TXNRD2: variants seen among roughly 807,000 people sequenced by gnomAD.
TXNRD2 encodes thioredoxin reductase 2.
In TXNRD2, 67 loss-of-function variants were observed where a neutral mutation model predicts 70.8. The ratio of observed to expected loss-of-function variants is 0.95; its 90% CI spans 0.78 to 1.16. TXNRD2 has a LOEUF of 1.16. Ranked by LOEUF, TXNRD2 falls within the 50% of genes most tolerant of loss-of-function variation. The pLI, the probability that TXNRD2 is intolerant of heterozygous loss-of-function variation, is 0.00. For missense variants in TXNRD2, 644 were observed against 719.9 expected (o/e 0.89, Z 1.21); for synonymous variants, 301 against 295.8 (o/e 1.02, Z -0.18).
chr22:19,889,286 G>C (rs550326258), intron 11 of TXNRD2, among the ~76,000 whole-genome samples: 14 of 152,214 alleles, frequency 9.2e-5, no homozygotes, highest in South Asian at 4.1e-4. Context: ...AGGAAGGAGC[G>C]TGCTCTGTGG....
At chr22:19,935,021 G>A (rs894941719) in intron 1 of TXNRD2, among the ~76,000 whole-genome samples, 2 of 152,100 alleles carry the variant, frequency 1.3e-5, no homozygotes, top group Admixed American at 1.3e-4. Context: ...TGAAATCAGC[G>A]CACCTTGAAA....
chr22:19,880,152 C>T (rs1938697603), intron 14 of TXNRD2, 27 bp downstream of exon 14: 1 of 1,610,760 alleles, frequency 6.2e-7, no homozygotes, highest in Non-Finnish European at 8.5e-7. Context: ...CGCCACTGTC[C>T]TCAGCTGTGC....
intron 2 of TXNRD2, among the ~76,000 whole-genome samples, chr22:19,926,120 G>A (rs1014861780): frequency 1.4e-5 from 2 of 146,946 alleles, no homozygotes; most frequent in African/African-American, 5.1e-5. Context: ...CCGAGATTGT[G>A]CCATGGTACT....
At chr22:19,884,373 G>C (rs1938928865) in intron 11 of TXNRD2, 1 of 152,256 alleles carries the variant, frequency 6.6e-6, no homozygotes, top group African/African-American at 2.4e-5. Flanking sequence ...CCAATGCTGG[G>C]GCTCCCTGAC....
chr22:19,886,376 T>C (rs905271314), intron 11 of TXNRD2, among the ~76,000 whole-genome samples: 1 of 152,196 alleles, frequency 6.6e-6, no homozygotes, highest in African/African-American at 2.4e-5. Context: ...AAGGGCCAGA[T>C]CTCCCTGCTG....
chr22:19,915,025 C>T (rs1940570994), intron 7 of TXNRD2, 189 bp downstream of exon 7: 1 of 624,890 alleles, frequency 1.6e-6, no homozygotes, highest in Non-Finnish European at 2.9e-6. Flanking sequence ...AGCGTGGAGG[C>T]CACTGGGGAC....
chr22:19,904,167 G>A (rs907607053), intron 8 of TXNRD2, among the ~76,000 whole-genome samples: 2 of 151,904 alleles, frequency 1.3e-5, no homozygotes, highest in African/African-American at 2.4e-5. Context: ...AACGTCCCCC[G>A]CCCCACCCCA....
chr22:19,925,462 T>A (rs1941104256), intron 2 of TXNRD2, among the ~76,000 whole-genome samples: 1 of 151,858 alleles, frequency 6.6e-6, no homozygotes, highest in African/African-American at 2.4e-5. Context: ...CACAAAGGAA[T>A]GAAGAGCACA....
rs772653193 is a variant in TXNRD2, at chr22:19,918,163, G to A, written c.429C>T (p.His143=). Residue 143 remains histidine (H), a synonymous_variant, in exon 5 of 18, where the codon CAC becomes CAT. Transcript: ENST00000400521. ...QNHVKSLNWG[H]RVQLQDRKVK... ...AGTACCTGTCCTGAAGCTGGACACG[G>A]TGGCCCCAGTTCAAGGATTTCACGT... is the stretch of plus-strand genomic sequence containing the variant. The A allele has an allele frequency of 6.2e-7, 1 of 1,614,140 alleles. No homozygotes were observed. Among genetic ancestry groups the A allele is most frequent in the Admixed American group, 1.7e-5 (1 of 60,028 alleles).
chr22:19,880,523 A>G, intron 13 of TXNRD2, 99 bp downstream of exon 13: 2 of 1,122,284 alleles, frequency 1.8e-6, no homozygotes, highest in South Asian at 2.5e-5. Flanking sequence ...CCACATCTAC[A>G]TGCAGACACA....
chr22:19,877,895 T>G (rs527700038), intron 16 of TXNRD2, among the ~76,000 whole-genome samples, 195 bp downstream of exon 16: 1 of 152,172 alleles, frequency 6.6e-6, no homozygotes, highest in Admixed American at 6.5e-5. Flanking sequence ...CTCAACAGCG[T>G]CTGGCTGGGG....
chr22:19,909,518 TCACACACACACAC>T (rs1208822630), intron 8 of TXNRD2, among the ~76,000 whole-genome samples: 1 of 95,330 alleles, frequency 1.0e-5, no homozygotes, highest in South Asian at 3.6e-4. Context: ...CACACACCAC[TCACACACACACAC>T]CACACACACA....
At chr22:19,913,050 G>T (rs1940485123) in intron 7 of TXNRD2, among the ~76,000 whole-genome samples, 1 of 152,132 alleles carries the variant, frequency 6.6e-6, no homozygotes, top group Non-Finnish European at 1.5e-5. Flanking sequence ...AGACCCGTGG[G>T]GACTGGTCTC....
Position 19,918,708 on chromosome 22 carries a change from T to C in TXNRD2, c.374+152A>G, listed in dbSNP as rs544653867. ...AAAACTGTCTCCAGACATTCCCAAATGTCTGAGGCAGACAGCGCAGAGTCG... is the reference window on the plus strand; with the variant it reads ...AAAACTGTCTCCAGACATTCCCAAACGTCTGAGGCAGACAGCGCAGAGTCG... On this transcript the variant is annotated intron_variant, in intron 4 of 17. Coordinates refer to ENST00000400521, the MANE Select transcript of TXNRD2 (RefSeq NM_006440.5). The C allele has an allele frequency of 4.1e-5, 39 of 949,514 alleles. No individual in the cohort carries two copies. The East Asian group carries it at 8.0e-4, about 19-fold the overall frequency. The allele number at this position is 949,514 out of a possible 1,614,324, so 58.8% of individuals were successfully genotyped here.
chr22:19,893,100 G>A (rs572801322), intron 11 of TXNRD2, among the ~76,000 whole-genome samples: 2 of 152,062 alleles, frequency 1.3e-5, no homozygotes, highest in Non-Finnish European at 2.9e-5. Flanking sequence ...TTCCCATTCC[G>A]AGTGACTGCT....
intron 10 of TXNRD2, among the ~76,000 whole-genome samples, chr22:19,897,482 AGCTCGTCCTGCT>A (rs1303341415): frequency 3.3e-5 from 5 of 152,192 alleles, no homozygotes; most frequent in Non-Finnish European, 4.4e-5. Flanking sequence ...CCAATCTAGG[AGCTCGTCCTGCT>A]GGCCACATGA....
intron 8 of TXNRD2, among the ~76,000 whole-genome samples, chr22:19,901,274 C>T (rs1212191353): frequency 6.6e-6 from 1 of 152,194 alleles, no homozygotes; most frequent in Non-Finnish European, 1.5e-5. Context: ...CTGGCACCCA[C>T]GGGGCACAGG....
intron 2 of TXNRD2, 34 bp from the exon 3 acceptor site, chr22:19,919,633 G>C (rs1940811709): frequency 2.0e-6 from 3 of 1,527,452 alleles, no homozygotes; most frequent in Non-Finnish European, 2.6e-6. Flanking sequence ...GGTGAGCATG[G>C]GGAGCTGGCT....
In TXNRD2 at chr22:19,898,011, G is replaced by T. The variant is rs928269771; in HGVS notation, c.774+28C>A. The T allele has an allele frequency of 2.6e-6, 4 of 1,541,090 alleles. No individual in the cohort carries two copies. The African/African-American group carries it at 5.5e-5, about 21-fold the overall frequency. ...TGGGAGGAAGGCCTCAGAGCCACAG[G>T]GGCGGGAGCTGGGGCCTCCAGCACT... is the stretch of plus-strand genomic sequence containing the variant. On this transcript the variant is annotated intron_variant, in intron 10 of 17. Coordinates refer to ENST00000400521, the MANE Select transcript of TXNRD2 (RefSeq NM_006440.5).
Sources: allele counts gnomAD v4.1 joint callset (sites outside exome capture counted in the v4.1 genomes callset), GRCh38; gene constraint gnomAD v4.1.1; transcripts MANE v1.5; gene names NCBI Gene and HGNC (gene_info 2026-07-23, HGNC 2026-07-21).